Variants in NREP observed in about 807,000 individuals in gnomAD.
The protein encoded by NREP is neuronal regeneration-related protein.
In NREP, 5 loss-of-function variants were observed where a neutral mutation model predicts 8.6. That is an observed-to-expected ratio of 0.58 (90% CI 0.30 to 1.22). NREP has a LOEUF of 1.22. NREP is among the 50% of genes most tolerant of loss of function. NREP has a pLI of 0.07. For synonymous variants in NREP, 27 were observed against 28.0 expected, an observed-to-expected ratio of 0.96 and a Z score of 0.11; for missense variants, 86 against 82.5, an observed-to-expected ratio of 1.04 and a Z score of -0.17.
chr5:111,904,215 T>C (rs1383145623), intron 2 of NREP, among the ~76,000 whole-genome samples: 1 of 152,154 alleles, frequency 6.6e-6, no homozygotes, highest in African/African-American at 2.4e-5. Context: ...ATACATTGTT[T>C]TTAACTAAAG....
intron 2 of NREP, among the ~76,000 whole-genome samples, chr5:111,908,124 G>A (rs945868267): frequency 6.6e-6 from 1 of 151,858 alleles, no homozygotes; most frequent in African/African-American, 2.4e-5. Flanking sequence ...TCCATCTTCT[G>A]TTTGAACCAA....
chr5:111,839,040 A>G (rs1454828522), intron 2 of NREP, among the ~76,000 whole-genome samples: 1 of 152,054 alleles, frequency 6.6e-6, no homozygotes, highest in Non-Finnish European at 1.5e-5. Context: ...ATGGGATGTC[A>G]TGACGTTTCT....
At chr5:111,914,658 C>T (rs73787724) in intron 2 of NREP, among the ~76,000 whole-genome samples, 21,869 of 152,022 alleles carry the variant, frequency 0.14, 2,230 homozygotes, top group African/African-American at 0.29. Context: ...GGTGAGTGTA[C>T]CCTTTCTGCA....
At chr5:111,911,563 T>C (rs1184743536) in intron 2 of NREP, among the ~76,000 whole-genome samples, 1 of 152,036 alleles carries the variant, frequency 6.6e-6, no homozygotes, top group East Asian at 1.9e-4. Flanking sequence ...GGAGATATGT[T>C]ATATGCTTGG....
At chr5:111,880,366 T>C (rs1400847292) in intron 2 of NREP, among the ~76,000 whole-genome samples, 4 of 152,192 alleles carry the variant, frequency 2.6e-5, no homozygotes, top group Non-Finnish European at 2.9e-5. Flanking sequence ...GCTTAAACAA[T>C]AGAAATATGT....
intron 2 of NREP, among the ~76,000 whole-genome samples, chr5:111,747,774 A>C (rs561418309): frequency 3.3e-4 from 51 of 152,252 alleles, no homozygotes; most frequent in African/African-American, 1.2e-3. Context: ...AGTTATATTT[A>C]TATTTTGCTC....
At chr5:111,928,174 C>T (rs898451868) in intron 2 of NREP, among the ~76,000 whole-genome samples, 1 of 107,130 alleles carries the variant, frequency 9.3e-6, no homozygotes, top group Non-Finnish European at 1.8e-5. Flanking sequence ...GCTCATATAT[C>T]CCCTAAAAGA....
At chr5:111,848,170 CAAG>C (rs531223684) in intron 2 of NREP, among the ~76,000 whole-genome samples, 17 of 152,088 alleles carry the variant, frequency 1.1e-4, no homozygotes, top group Non-Finnish European at 2.2e-4. Context: ...ATACTGGTGA[CAAG>C]AAGAATATAA....
chr5:111,890,544 C>A (rs568079156), intron 2 of NREP, among the ~76,000 whole-genome samples: 23 of 152,304 alleles, frequency 1.5e-4, no homozygotes, highest in Admixed American at 1.4e-3. Context: ...CTTGTGACAG[C>A]CCCATCCAAA....
At chr5:111,901,374 C>A (rs184035854) in intron 2 of NREP, among the ~76,000 whole-genome samples, 63 of 152,228 alleles carry the variant, frequency 4.1e-4, no homozygotes, top group African/African-American at 1.3e-3. Flanking sequence ...TAACATCACA[C>A]AGAATGAGGA....
chr5:111,777,225 T>C (rs907732842), intron 2 of NREP, among the ~76,000 whole-genome samples: 2 of 152,296 alleles, frequency 1.3e-5, no homozygotes, highest in Non-Finnish European at 2.9e-5. Context: ...ATATCATTCC[T>C]GATGCCTAGA....
chr5:111,797,467 TATC>T (rs1751900539), intron 2 of NREP, among the ~76,000 whole-genome samples: 1 of 152,224 alleles, frequency 6.6e-6, no homozygotes, highest in Admixed American at 6.5e-5. Flanking sequence ...ACCTTACAAG[TATC>T]ATGTTCTGCA....
At chr5:111,864,954 G>C (rs1753631899) in intron 2 of NREP, among the ~76,000 whole-genome samples, 1 of 152,128 alleles carries the variant, frequency 6.6e-6, no homozygotes, top group East Asian at 1.9e-4. Flanking sequence ...AGTTATCTTA[G>C]CTATTCAAAG....
At chr5:111,971,318 AT>A (rs1029935436) in intron 2 of NREP, among the ~76,000 whole-genome samples, 2 of 152,276 alleles carry the variant, frequency 1.3e-5, no homozygotes, top group East Asian at 1.9e-4. Context: ...TCTCAATCAC[AT>A]TTTTTTCACA....
intron 2 of NREP, among the ~76,000 whole-genome samples, chr5:111,839,933 T>C (rs986851327): frequency 6.6e-6 from 1 of 152,048 alleles, no homozygotes; most frequent in Non-Finnish European, 1.5e-5. Flanking sequence ...TGGCAGACAC[T>C]TGGAAGACAC....
At chr5:111,871,891 TA>T (rs1443729851) in intron 2 of NREP, among the ~76,000 whole-genome samples, 5 of 149,180 alleles carry the variant, frequency 3.4e-5, no homozygotes, top group African/African-American at 1.2e-4. Flanking sequence ...TCTCGTTCTA[TA>T]TAGCATAACA....
intron 2 of NREP, among the ~76,000 whole-genome samples, chr5:111,779,543 G>C (rs1751443395): frequency 6.6e-6 from 1 of 152,172 alleles, no homozygotes. Context: ...GGAGCTATGA[G>C]AACCAGGAGG....
chr5:111,958,919 CA>C (rs1756403139), intron 2 of NREP, among the ~76,000 whole-genome samples: 1 of 151,582 alleles, frequency 6.6e-6, no homozygotes. Context: ...CAAGAATGTA[CA>C]AATAAAGTAA....
At chr5:111,737,807 C>T (rs1462466391) in intron 2 of NREP, among the ~76,000 whole-genome samples, 1 of 151,578 alleles carries the variant, frequency 6.6e-6, no homozygotes, top group Non-Finnish European at 1.5e-5. Flanking sequence ...GCAAAACACA[C>T]ATGACTAAGG....
Sources: gnomAD v4.1 joint callset for allele counts (sites outside exome capture counted in the v4.1 genomes callset) on GRCh38, gnomAD v4.1.1 for gene constraint, MANE v1.5 for transcripts, NCBI Gene and HGNC (gene_info 2026-07-23, HGNC 2026-07-21) for gene names.